The following UST variants were observed in gnomAD, a reference collection of about 807,000 sequenced individuals.
UST encodes the protein chondroitin sulfate 2-O-sulfotransferase.
Under a neutral mutation model 45.6 loss-of-function variants are expected in UST, and 21 were observed. That is an observed-to-expected ratio of 0.46 (90% confidence interval 0.33 to 0.66). The LOEUF is 0.66. Among genes scored for constraint, UST ranks in the 30% least tolerant of loss-of-function variants. UST has a pLI of 0.02. For synonymous variants in UST, 215 were observed against 200.6 expected (o/e 1.07, Z -0.61); for missense variants, 463 against 512.4 (o/e 0.90, Z 0.93).
intron 5 of UST, among the ~76,000 whole-genome samples, chr6:148,999,147 A>T (rs2500530): frequency 0.93 from 142,371 of 152,336 alleles, 66,967 homozygotes; most frequent in African/African-American, 0.98. Context: ...ATCTATATGA[A>T]CACTTAAGTA....
chr6:148,906,539 T>C (rs974518079), intron 2 of UST, among the ~76,000 whole-genome samples: 21 of 152,214 alleles, frequency 1.4e-4, no homozygotes, highest in African/African-American at 4.6e-4. Flanking sequence ...CAATGGTCAC[T>C]GAGGAGAGAT....
At position 148,872,128 on chromosome 6, in the gene UST, T is replaced by C. The variant is rs143512692; in HGVS notation, c.248-14858T>C. Among the ~76,000 whole-genome samples the C allele has an allele frequency of 3.3e-5, 5 of 152,336 alleles. No homozygotes were observed. The East Asian group carries it at 9.6e-4, about 29-fold the overall frequency. Reference sequence around the variant, plus strand: ...AAGCTTGAGAGAAAATCAGGCTTAGTACAATGGCAGTTTGGTTGGATTAAA... The same window carrying C: ...AAGCTTGAGAGAAAATCAGGCTTAGCACAATGGCAGTTTGGTTGGATTAAA... On this transcript the variant is annotated intron_variant, in intron 1 of 7. Coordinates refer to ENST00000367463, the MANE Select transcript of UST (RefSeq NM_005715.3).
intron 5 of UST, among the ~76,000 whole-genome samples, chr6:149,016,309 T>G (rs962065669): frequency 6.6e-5 from 10 of 152,222 alleles, no homozygotes; most frequent in Non-Finnish European, 1.3e-4. Flanking sequence ...GGAAGTGGCC[T>G]TCTTAGGCCC....
At chr6:149,054,623 G>C (rs1044381304) in intron 7 of UST, among the ~76,000 whole-genome samples, 4 of 152,154 alleles carry the variant, frequency 2.6e-5, no homozygotes, top group African/African-American at 9.7e-5. Flanking sequence ...ATCTAAGAGA[G>C]GAAACTGGGC....
Position 148,748,401 on chromosome 6 carries a change from G to T in UST, c.247+724G>T, listed in dbSNP as rs972066455. On this transcript the variant is annotated intron_variant, in intron 1 of 7. Transcript: ENST00000367463. The surrounding 1 kb of genome is among the most constrained non-coding windows in gnomAD (Gnocchi z 5.3). ...GCGTCTCAAGCTCAAGTCAAAACTT[G>T]TGTGTGTGTGTGTGTGTGTGTGTGT... 9.2e-4 allele frequency among the ~76,000 whole-genome samples: 8 copies of T among 8,718 alleles called. No homozygotes were observed. The East Asian group carries it at 0.015, about 16-fold the overall frequency. The allele number at this position is 8,718 out of a possible 152,430, so 5.7% of individuals were successfully genotyped here. A position where few individuals can be genotyped will look rare whatever the true frequency, so the allele number is the denominator to read the frequency against.
At position 148,982,002 on chromosome 6, in the gene UST, TC is replaced by T. The variant is rs1249568806; in HGVS notation, c.681+17440del. On this transcript the variant is annotated intron_variant, in intron 5 of 7. Coordinates refer to ENST00000367463, the MANE Select transcript of UST (RefSeq NM_005715.3). ...TTCAGTTGTCTGGTGAGGGCTTCTG[TC>T]TGCTTCTAAGATGGTTCTTCTGGAG... 2.0e-4 allele frequency among the ~76,000 whole-genome samples: 31 copies of T among 152,358 alleles called. No individual in the cohort carries two copies. The South Asian group carries it at 2.9e-3, about 14-fold the overall frequency.
chr6:148,941,554 A>G (rs1582911344), intron 3 of UST, 120 bp downstream of exon 3: 1 of 1,217,412 alleles, frequency 8.2e-7, no homozygotes. Flanking sequence ...TTTTGATTTC[A>G]TGCTGTATTT....
At chr6:148,752,009 T>C (rs1776001887) in intron 1 of UST, among the ~76,000 whole-genome samples, 1 of 152,262 alleles carries the variant, frequency 6.6e-6, no homozygotes, top group African/African-American at 2.4e-5. Flanking sequence ...TTATGGGAGC[T>C]AAACTTGTTG....
At chr6:149,061,238 A>T (rs1372112107) in intron 7 of UST, among the ~76,000 whole-genome samples, 1 of 152,138 alleles carries the variant, frequency 6.6e-6, no homozygotes, top group Non-Finnish European at 1.5e-5. Flanking sequence ...TCGTTTTTCC[A>T]TTATGCATGT....
rs993290275 is a variant in UST at position 149,000,550 on chromosome 6, A to G, written c.682-18589A>G. Reference sequence around the variant, plus strand: ...CCCAAAATGAGCCTACAGACCATACATTCTAAGGAACATGGAAAAAAAATC... The same window carrying G: ...CCCAAAATGAGCCTACAGACCATACGTTCTAAGGAACATGGAAAAAAAATC... On this transcript the variant is annotated intron_variant, in intron 5 of 7. Transcript: ENST00000367463. 3.2e-4 allele frequency among the ~76,000 whole-genome samples: 48 copies of G among 152,116 alleles called. 1 individual carries two copies. Among genetic ancestry groups the G allele is most frequent in the Non-Finnish European group, 2.9e-5 (2 of 68,026 alleles).
chr6:148,970,298 C>G (rs544644990), intron 5 of UST, among the ~76,000 whole-genome samples: 41 of 152,260 alleles, frequency 2.7e-4, no homozygotes, highest in African/African-American at 9.9e-4. Flanking sequence ...CCTGTGCTAC[C>G]ACCAAACGGC....
intron 2 of UST, among the ~76,000 whole-genome samples, chr6:148,928,222 TTC>T (rs1779855073): frequency 6.6e-6 from 1 of 152,252 alleles, no homozygotes; most frequent in Non-Finnish European, 1.5e-5. Flanking sequence ...CATTTTAAAC[TTC>T]TGTTTCCTTC....
rs750527904 is a variant in UST at position 148,747,487 on chromosome 6, C to T, written c.57C>T (p.Ala19=). 2.7e-6 allele frequency: 4 copies of T among 1,504,262 alleles called. No individual in the cohort carries two copies. The Middle Eastern group carries it at 5.6e-4, about 211-fold the overall frequency. 93.2% of individuals were successfully genotyped at this position (1,504,262 alleles called of 1,614,324 possible). A position where few individuals can be genotyped will look rare whatever the true frequency, so the allele number is the denominator to read the frequency against. ...GCGCGGATCCCTGGCCCCATGGGGC[C>T]CCTATGGGGGGCGCCCCTCCGGGCC... ...GGGADPWPHG[A]PMGGAPPGLG... is the part of the protein sequence containing the mutation. The change falls in exon 1 of 8, where the codon GCC becomes GCT. Residue 19 remains alanine (A), a synonymous_variant. Transcript: ENST00000367463.
At chr6:148,827,461 A>C (rs1397099874) in intron 1 of UST, among the ~76,000 whole-genome samples, 1 of 152,096 alleles carries the variant, frequency 6.6e-6, no homozygotes, top group Non-Finnish European at 1.5e-5. Flanking sequence ...TCTACTAAAA[A>C]TACAAAGATT....
At chr6:148,965,876 C>CTTT (rs56202168) in intron 5 of UST, among the ~76,000 whole-genome samples, 1 of 126,242 alleles carries the variant, frequency 7.9e-6, no homozygotes, top group East Asian at 2.2e-4. Context: ...TGGCTTTTCC[C>CTTT]TTTTTTTTTT....
intron 2 of UST, among the ~76,000 whole-genome samples, chr6:148,922,149 T>C (rs760200100): frequency 3.9e-5 from 6 of 152,230 alleles, no homozygotes; most frequent in Non-Finnish European, 5.9e-5. Flanking sequence ...CAGTGGTTTT[T>C]AGTATATTCA....
intron 1 of UST, among the ~76,000 whole-genome samples, chr6:148,803,404 C>T (rs1298443204): frequency 1.3e-5 from 2 of 152,164 alleles, no homozygotes; most frequent in African/African-American, 2.4e-5. Context: ...GGCATCAACC[C>T]TAACAGAAAT....
At chr6:148,906,904 C>G (rs1259820315) in intron 2 of UST, among the ~76,000 whole-genome samples, 2 of 152,110 alleles carry the variant, frequency 1.3e-5, no homozygotes, top group African/African-American at 2.4e-5. Flanking sequence ...AATGCCTGTG[C>G]AAATACTGAG....
intron 1 of UST, among the ~76,000 whole-genome samples, chr6:148,775,643 G>GGGGA (rs111924236): frequency 6.6e-6 from 1 of 150,512 alleles, no homozygotes; most frequent in South Asian, 2.1e-4. Context: ...TTTTTTTGGG[G>GGGGA]CGGGGAGAGA....
Sources: gnomAD v4.1 joint callset for allele counts (sites outside exome capture counted in the v4.1 genomes callset) on GRCh38, gnomAD v4.1.1 for gene constraint, Gnocchi (gnomAD v3.1) non-coding constraint, MANE v1.5 for transcripts, NCBI Gene and HGNC (gene_info 2026-07-23, HGNC 2026-07-21) for gene names.